USP15: variants seen among roughly 807,000 people sequenced by gnomAD.
The protein encoded by USP15 is ubiquitin carboxyl-terminal hydrolase 15.
USP15 carries 18 observed loss-of-function variants against 127.1 expected under a neutral mutation model. The ratio of observed to expected loss-of-function variants is 0.14; its 90% CI spans 0.10 to 0.21. USP15 has a LOEUF of 0.21. Ranked by LOEUF, USP15 falls within the 10% of genes least tolerant of loss-of-function variation. The pLI, the probability that USP15 is intolerant of heterozygous loss-of-function variation, is 1.00. For missense variants in USP15, 805 were observed against 1,159.9 expected, an observed-to-expected ratio of 0.69 and a Z score of 4.44; for synonymous variants, 364 against 393.7, an observed-to-expected ratio of 0.92 and a Z score of 0.89.
At chr12:62,377,423 T>C (rs2066863549) in intron 8 of USP15, among the ~76,000 whole-genome samples, 1 of 152,190 alleles carries the variant, frequency 6.6e-6, no homozygotes, top group Admixed American at 6.6e-5. Context: ...TGACCAACTT[T>C]AAGAAACTGG....
rs2068059107 is a variant in USP15 at position 62,412,364 on chromosome 12, A to G, written c.*7989A>G. 1 of 152,294 alleles carries G rather than the reference A, an allele frequency of 6.6e-6. No homozygotes were observed. The highest frequency in any genetic ancestry group is 1.5e-5 in the Non-Finnish European group (1 of 68,116). 9.4% of individuals were successfully genotyped at this position (152,294 alleles called of 1,614,324 possible). Reference sequence around the variant, plus strand: ...GGTGGCCGTGGCAATTTTTTACAATAAGACAGTAGTGAAGTTTGCTTCATC... The same window carrying G: ...GGTGGCCGTGGCAATTTTTTACAATGAGACAGTAGTGAAGTTTGCTTCATC... On this transcript the variant is annotated 3_prime_UTR_variant, in exon 22 of 22. Coordinates refer to ENST00000280377, the MANE Select transcript of USP15 (RefSeq NM_001252078.2).
intron 2 of USP15, 64 bp downstream of exon 2, chr12:62,294,370 G>A: frequency 6.5e-7 from 1 of 1,549,714 alleles, no homozygotes; most frequent in East Asian, 2.4e-5. Context: ...AAATGTCAGT[G>A]GGTTGAATTT....
At chr12:62,370,272 C>T (rs1476906720) in intron 8 of USP15, among the ~76,000 whole-genome samples, 1 of 152,154 alleles carries the variant, frequency 6.6e-6, no homozygotes, top group Non-Finnish European at 1.5e-5. Flanking sequence ...TGTCTTTCTT[C>T]CTTTCAGCGT....
chr12:62,302,997 G>A (rs2064361547), intron 3 of USP15, 77 bp downstream of exon 3: 12 of 1,499,974 alleles, frequency 8.0e-6, no homozygotes, highest in Admixed American at 1.9e-5. Flanking sequence ...TCAATGAATT[G>A]TGAAGTTTCA....
chr12:62,400,278 G>C (rs1320471124), intron 20 of USP15, among the ~76,000 whole-genome samples: 1 of 152,076 alleles, frequency 6.6e-6, no homozygotes, highest in East Asian at 1.9e-4. Flanking sequence ...GCTGTGTACA[G>C]TCATCCCTTT....
chr12:62,286,905 C>T (rs2063805457), intron 1 of USP15, among the ~76,000 whole-genome samples: 1 of 150,444 alleles, frequency 6.6e-6, no homozygotes, highest in African/African-American at 2.5e-5. Context: ...CCATTGCACT[C>T]CAGCCTGGGC....
At chr12:62,335,750 C>G in intron 6 of USP15, 1 of 985,390 alleles carries the variant, frequency 1.0e-6, no homozygotes, top group Non-Finnish European at 1.2e-6. Context: ...AAAGGCTATA[C>G]TTAATGTTGC....
chr12:62,384,645 T>G (rs1592709902), intron 11 of USP15, among the ~76,000 whole-genome samples: 1 of 3,784 alleles, frequency 2.6e-4, no homozygotes, highest in Non-Finnish European at 5.7e-4. Flanking sequence ...TTAATTGTAA[T>G]TTTTTTTTAC....
In USP15 at chr12:62,412,008, CATAGCAGAT is replaced by C. The variant is rs1379459575; in HGVS notation, c.*7637_*7645del. On this transcript the variant is annotated 3_prime_UTR_variant, in exon 22 of 22. Coordinates refer to ENST00000280377, the MANE Select transcript of USP15 (RefSeq NM_001252078.2). The stretch of plus-strand genomic sequence containing the variant: ...AATTTGGAGGTGACACAGTTGAGCC[CATAGCAGAT>C]ATATTTAGTAACAACTGTGGGTACA... 6.6e-6 allele frequency: 1 copy of C among 152,132 alleles called. No individual in the cohort carries two copies. Among genetic ancestry groups the C allele is most frequent in the Non-Finnish European group, 1.5e-5 (1 of 68,036 alleles). The allele number at this position is 152,132 out of a possible 1,614,324, so 9.4% of individuals were successfully genotyped here.
At position 62,314,817 on chromosome 12, in the gene USP15, C is replaced by G; in HGVS notation, c.376C>G (p.His126Asp). 1 of 1,589,152 alleles carries G rather than the reference C, an allele frequency of 6.3e-7. No individual in the cohort carries two copies. Among genetic ancestry groups the G allele is most frequent in the Non-Finnish European group, 8.6e-7 (1 of 1,167,628 alleles). ...GGTTGAACAGGGTATGTTTGTAAAG[C>G]ACTGCAAAGTAGAAGTATATCTCAC... is the stretch of plus-strand genomic sequence containing the variant. ...KVVEQGMFVK[H>D]CKVEVYLTEL... Residue 126 changes from histidine (H) to aspartate (D), a missense_variant, in exon 4 of 22, where the codon CAC becomes GAC. This residue lies in a region of USP15 where 69 missense variants were observed against 126.4 expected (regional missense o/e 0.55). Transcript: ENST00000280377.
intron 6 of USP15, among the ~76,000 whole-genome samples, chr12:62,326,396 G>A (rs191611845): frequency 2.0e-5 from 3 of 151,704 alleles, no homozygotes. Context: ...AGAAGAATTA[G>A]GAATCTTTTT....
chr12:62,268,600 TC>T (rs2063258140), intron 1 of USP15, among the ~76,000 whole-genome samples: 1 of 152,270 alleles, frequency 6.6e-6, no homozygotes, highest in East Asian at 1.9e-4. Context: ...ATGCCCCATT[TC>T]TGTTGTTTCA....
At chr12:62,321,778 C>T (rs192234791) in intron 5 of USP15, among the ~76,000 whole-genome samples, 169 bp downstream of exon 5, 2 of 152,244 alleles carry the variant, frequency 1.3e-5, no homozygotes, top group Admixed American at 6.5e-5. Context: ...TTGATTCCCT[C>T]CTTGAGCTTG....
chr12:62,292,476 G>C (rs2064001090), intron 1 of USP15, among the ~76,000 whole-genome samples: 1 of 152,202 alleles, frequency 6.6e-6, no homozygotes, highest in Non-Finnish European at 1.5e-5. Context: ...CAGTGGAACT[G>C]CAGTTGCCCC....
At chr12:62,356,215 T>G (rs2066125030) in intron 8 of USP15, among the ~76,000 whole-genome samples, 1 of 151,840 alleles carries the variant, frequency 6.6e-6, no homozygotes, top group South Asian at 2.1e-4. Flanking sequence ...TTTTCGTCAG[T>G]CTCTTGTGAA....
rs536994747 is a variant in USP15, at chr12:62,266,950, T to C, written c.89+6447T>C. Among the ~76,000 whole-genome samples, 3 of 152,256 alleles carry C rather than the reference T, an allele frequency of 2.0e-5. No homozygotes were observed. The East Asian group carries it at 5.8e-4, about 29-fold the overall frequency. On this transcript the variant is annotated intron_variant, in intron 1 of 21. Coordinates refer to ENST00000280377, the MANE Select transcript of USP15 (RefSeq NM_001252078.2). ...GGTTTAAATACCTGGTTTATAAAGA[T>C]TTAAAGTACTAGATACTATCTAATA... is the stretch of plus-strand genomic sequence containing the variant.
rs1289191859 is a variant in USP15, at chr12:62,404,409, C to G, written c.*34C>G. 6 of 1,526,644 alleles carry G rather than the reference C, an allele frequency of 3.9e-6. No homozygotes were observed. The highest frequency in any genetic ancestry group is 4.4e-6 in the Non-Finnish European group (5 of 1,133,822). The allele number at this position is 1,526,644 out of a possible 1,614,324, so 94.6% of individuals were successfully genotyped here. ...CTAGAAGCCATAAAAGAGACACTTT[C>G]CTGCTGGTGGTATCTATGGAAATGA... On this transcript the variant is annotated 3_prime_UTR_variant, in exon 22 of 22. Transcript: ENST00000280377.
intron 8 of USP15, among the ~76,000 whole-genome samples, chr12:62,362,183 T>A (rs1029099454): frequency 6.6e-6 from 1 of 152,156 alleles, no homozygotes; most frequent in Non-Finnish European, 1.5e-5. Flanking sequence ...TGAGATAATG[T>A]ATTTTTTTGA....
chr12:62,330,445 C>T (rs931825359), intron 6 of USP15, among the ~76,000 whole-genome samples: 5 of 151,612 alleles, frequency 3.3e-5, no homozygotes, highest in Non-Finnish European at 7.4e-5. Context: ...AAAAATTAGG[C>T]ATGGTAACAG....
Sources: allele counts gnomAD v4.1 joint callset (sites outside exome capture counted in the v4.1 genomes callset), GRCh38; gene constraint gnomAD v4.1.1; regional missense constraint gnomAD v4.1.1; transcripts MANE v1.5; gene names NCBI Gene and HGNC (gene_info 2026-07-23, HGNC 2026-07-21).